The following PEBP4 variants were observed in gnomAD, a reference collection of about 807,000 sequenced individuals.
The protein encoded by PEBP4 is phosphatidylethanolamine-binding protein 4.
Under a neutral mutation model 23.9 loss-of-function variants are expected in PEBP4, and 22 were observed. The ratio of observed to expected loss-of-function variants is 0.92; its 90% CI spans 0.66 to 1.31. The LOEUF is 1.31. Among genes scored for constraint, PEBP4 ranks in the 40% most tolerant of loss-of-function variants. The pLI is 0.00. For missense variants in PEBP4, 324 were observed against 281.7 expected, an observed-to-expected ratio of 1.15 and a Z score of -1.07; for synonymous variants, 112 against 99.3, an observed-to-expected ratio of 1.13 and a Z score of -0.76.
At chr8:22,770,530 T>C (rs1261253103) in intron 4 of PEBP4, among the ~76,000 whole-genome samples, 8 of 152,170 alleles carry the variant, frequency 5.3e-5, no homozygotes, top group Non-Finnish European at 1.0e-4. Flanking sequence ...TGAGTGAATC[T>C]CTGGGTGGGT....
At chr8:22,808,126 C>T (rs1806541890) in intron 4 of PEBP4, among the ~76,000 whole-genome samples, 1 of 151,958 alleles carries the variant, frequency 6.6e-6, no homozygotes, top group South Asian at 2.1e-4. Context: ...ACCTACCCAA[C>T]TTCCACCCAT....
At chr8:22,759,167 C>T (rs1805451078) in intron 4 of PEBP4, among the ~76,000 whole-genome samples, 1 of 152,086 alleles carries the variant, frequency 6.6e-6, no homozygotes, top group African/African-American at 2.4e-5. Flanking sequence ...GCGCTGCAGA[C>T]CTGGGCCCCA....
chr8:22,906,837 A>G (rs149068201), intron 3 of PEBP4, among the ~76,000 whole-genome samples: 1,926 of 152,362 alleles, frequency 0.013, 50 homozygotes, highest in African/African-American at 0.044. Flanking sequence ...CATGGAGCTT[A>G]CATTCTAGCT....
chr8:22,895,803 C>G (rs984686344), intron 3 of PEBP4: 2 of 152,186 alleles, frequency 1.3e-5, no homozygotes, highest in African/African-American at 4.8e-5. Context: ...TATGTTACGT[C>G]TAATTTGCTG....
intron 3 of PEBP4, among the ~76,000 whole-genome samples, chr8:22,863,880 T>C (rs1469776535): frequency 6.6e-6 from 1 of 152,162 alleles, no homozygotes; most frequent in Non-Finnish European, 1.5e-5. Flanking sequence ...TAAGGAACTG[T>C]CAAATGTTTC....
chr8:22,755,326 C>CA (rs1805356293), intron 4 of PEBP4, among the ~76,000 whole-genome samples: 1 of 114,594 alleles, frequency 8.7e-6, no homozygotes, highest in East Asian at 3.4e-4. Flanking sequence ...TTCTCTCCCT[C>CA]TTTTTTTTTT....
chr8:22,727,340 G>A, intron 4 of PEBP4, 120 bp from the exon 5 acceptor site: 1 of 961,642 alleles, frequency 1.0e-6, no homozygotes, highest in Middle Eastern at 2.4e-4. Context: ...GAGGATGGGA[G>A]AAGAAGTAGG....
intron 1 of PEBP4, among the ~76,000 whole-genome samples, chr8:22,940,680 G>A (rs941018893): frequency 5.3e-5 from 8 of 151,842 alleles, no homozygotes; most frequent in Non-Finnish European, 8.8e-5. Flanking sequence ...CAGTAGAGAC[G>A]GGGTTTCACC....
At chr8:22,866,983 A>G (rs1290409249) in intron 3 of PEBP4, among the ~76,000 whole-genome samples, 1 of 152,116 alleles carries the variant, frequency 6.6e-6, no homozygotes, top group Non-Finnish European at 1.5e-5. Flanking sequence ...GATCGGCAGG[A>G]GCATAGAGGC....
chr8:22,916,662 T>TCATTCATTCATG (rs1554497228), intron 3 of PEBP4, among the ~76,000 whole-genome samples: 1 of 152,178 alleles, frequency 6.6e-6, no homozygotes, highest in Non-Finnish European at 1.5e-5. Context: ...ATTCATTCAT[T>TCATTCATTCATG]CATTCATGCA....
rs535537163 is a variant in PEBP4, at chr8:22,837,574, C to T, written c.259-19839G>A. On this transcript the variant is annotated intron_variant, in intron 3 of 6. Coordinates refer to ENST00000256404, the MANE Select transcript of PEBP4 (RefSeq NM_144962.3). ...ACCTCTAGCTGTCAGTTAGCCTGCCCAGGGGACTCCATCATACCCATACAC... is the reference window on the plus strand; with the variant it reads ...ACCTCTAGCTGTCAGTTAGCCTGCCTAGGGGACTCCATCATACCCATACAC... 3.9e-5 allele frequency among the ~76,000 whole-genome samples: 6 copies of T among 152,288 alleles called. No individual in the cohort carries two copies. The East Asian group carries it at 1.2e-3, about 29-fold the overall frequency.
At chr8:22,769,868 C>T (rs755654250) in intron 4 of PEBP4, among the ~76,000 whole-genome samples, 63 of 152,308 alleles carry the variant, frequency 4.1e-4, no homozygotes, top group Non-Finnish European at 6.9e-4. Context: ...TCCTTCCTCC[C>T]GCCATTGCTG....
At position 22,807,195 on chromosome 8, in the gene PEBP4, G is replaced by A. The variant is rs1200961704; in HGVS notation, c.357+10442C>T. Among the ~76,000 whole-genome samples the A allele has an allele frequency of 2.0e-5, 3 of 152,226 alleles. No individual in the cohort carries two copies. The East Asian group carries it at 5.8e-4, about 29-fold the overall frequency. ...CTCAACTCATTTAAAGCAATGGCATGTTTGTGGATTGCAGAAGGGTTTTTT... is the reference window on the plus strand; with the variant it reads ...CTCAACTCATTTAAAGCAATGGCATATTTGTGGATTGCAGAAGGGTTTTTT... On this transcript the variant is annotated intron_variant, in intron 4 of 6. Coordinates refer to ENST00000256404, the MANE Select transcript of PEBP4 (RefSeq NM_144962.3).
intron 3 of PEBP4, among the ~76,000 whole-genome samples, chr8:22,891,977 G>A (rs1808503906): frequency 1.3e-5 from 2 of 152,236 alleles, no homozygotes; most frequent in African/African-American, 2.4e-5. Context: ...GGAGGCTCAG[G>A]CAGGAGAATG....
chr8:22,886,492 G>A (rs1173836533), intron 3 of PEBP4: 1 of 152,268 alleles, frequency 6.6e-6, no homozygotes, highest in Non-Finnish European at 1.5e-5. Flanking sequence ...AGGGTTAAAT[G>A]GAATCATGTA....
chr8:22,816,940 GA>G (rs1303015285), intron 4 of PEBP4, among the ~76,000 whole-genome samples: 1 of 152,198 alleles, frequency 6.6e-6, no homozygotes. Flanking sequence ...AAAAGCCCTT[GA>G]GTGAGAAACA....
rs142257916 is a variant in PEBP4 at position 22,728,543 on chromosome 8, C to CCTTTCTTTCTTTCTTT, written c.358-1339_358-1324dup. 1.9e-4 allele frequency among the ~76,000 whole-genome samples: 22 copies of CCTTTCTTTCTTTCTTT among 115,436 alleles called. 1 individual carries two copies. The South Asian group carries it at 3.3e-3, about 18-fold the overall frequency. The allele number at this position is 115,436 out of a possible 152,430, so 75.7% of individuals were successfully genotyped here. ...TTGCTGGCTTGCTTCTTTCTTCCTT[C>CCTTTCTTTCTTTCTTT]CTTTCTTTCTTTCTTTCTTCCTTCC... On this transcript the variant is annotated intron_variant, in intron 4 of 6. Coordinates refer to ENST00000256404, the MANE Select transcript of PEBP4 (RefSeq NM_144962.3).
At chr8:22,762,894 C>T (rs1431864000) in intron 4 of PEBP4, among the ~76,000 whole-genome samples, 2 of 152,170 alleles carry the variant, frequency 1.3e-5, no homozygotes, top group Non-Finnish European at 2.9e-5. Flanking sequence ...GTTCCTGACT[C>T]CTAGACCAGT....
chr8:22,839,167 T>G (rs556004369), intron 3 of PEBP4, among the ~76,000 whole-genome samples: 2 of 151,930 alleles, frequency 1.3e-5, no homozygotes, highest in Non-Finnish European at 2.9e-5. Context: ...TCACACTTGT[T>G]CGGGATGACC....
Sources: allele counts gnomAD v4.1 joint callset (sites outside exome capture counted in the v4.1 genomes callset), GRCh38; gene constraint gnomAD v4.1.1; transcripts MANE v1.5; gene names NCBI Gene and HGNC (gene_info 2026-07-23, HGNC 2026-07-21).